BMI1: variants seen among roughly 807,000 people sequenced by gnomAD.
BMI1 encodes the protein BMI1 proto-oncogene, polycomb ring finger.
Under a neutral mutation model 39.1 loss-of-function variants are expected in BMI1, and 9 were observed. The ratio of observed to expected loss-of-function variants is 0.23; its 90% CI spans 0.14 to 0.40. The LOEUF (loss-of-function observed/expected upper bound fraction) is 0.40. Ranked by LOEUF, BMI1 falls within the 10% of genes least tolerant of loss-of-function variation. The probability of loss-of-function intolerance (pLI) is 1.00; values close to 1 mark genes in which losing one functional copy is unlikely to be tolerated. For synonymous variants in BMI1, 131 were observed against 127.9 expected, an observed-to-expected ratio of 1.02 and a Z score of -0.16; for missense variants, 252 against 390.8, an observed-to-expected ratio of 0.64 and a Z score of 2.99.
At chr10:22,328,202 A>G in intron 7 of BMI1, 23 bp downstream of exon 7, 1 of 1,585,162 alleles carries the variant, frequency 6.3e-7, no homozygotes, top group Non-Finnish European at 8.5e-7. Flanking sequence ...TTACAAAAAC[A>G]TATAGAAGAA....
Position 22,327,856 on chromosome 10 carries a change from G to A in BMI1, c.316+64G>A, listed in dbSNP as rs1053625076. On this transcript the variant is annotated intron_variant, in intron 5 of 9. Transcript: ENST00000376663. Reference sequence around the variant, plus strand: ...GGAGAGCTTATCTAGGAATTAAAATGTATTAAAATTGACTTTACCACTTCC... The same window carrying A: ...GGAGAGCTTATCTAGGAATTAAAATATATTAAAATTGACTTTACCACTTCC... The A allele has an allele frequency of 3.1e-6, 5 of 1,602,550 alleles. No individual in the cohort carries two copies. The Admixed American group carries it at 8.6e-5, about 28-fold the overall frequency.
chr10:22,321,907 G>A (rs1836011149), intron 1 of BMI1, among the ~76,000 whole-genome samples: 1 of 144,262 alleles, frequency 6.9e-6, no homozygotes, highest in Non-Finnish European at 1.5e-5. Flanking sequence ...GCGCCCGCGA[G>A]CGCGCGCCCG....
At chr10:22,326,288 A>G (rs1836149117) in intron 1 of BMI1, 143 bp from the exon 2 acceptor site, 1 of 1,157,882 alleles carries the variant, frequency 8.6e-7, no homozygotes, top group African/African-American at 1.6e-5. Context: ...CTGATGAGTA[A>G]ATTCCTTCTG....
intron 8 of BMI1, 87 bp downstream of exon 8, chr10:22,328,785 G>A: frequency 7.3e-7 from 1 of 1,365,610 alleles, no homozygotes; most frequent in South Asian, 1.5e-5. Flanking sequence ...ACCCAAAAAA[G>A]CAATAGAAAA....
chr10:22,328,242 G>A (rs1203397352), intron 7 of BMI1, 63 bp downstream of exon 7: 3 of 1,535,358 alleles, frequency 2.0e-6, no homozygotes, highest in Non-Finnish European at 1.7e-6. Flanking sequence ...TTTTATCAGG[G>A]ATTGTGTTGC....
At chr10:22,321,911 G>C in intron 1 of BMI1, among the ~76,000 whole-genome samples, 1 of 144,124 alleles carries the variant, frequency 6.9e-6, no homozygotes, top group East Asian at 2.1e-4. Context: ...CCGCGAGCGC[G>C]CGCCCGCCGC....
chr10:22,322,393 A>G (rs568114465), intron 1 of BMI1, among the ~76,000 whole-genome samples: 1 of 152,312 alleles, frequency 6.6e-6, no homozygotes, highest in Admixed American at 6.5e-5. Flanking sequence ...TTGGGGGGAC[A>G]CTTGTCTGAG....
rs1836146871 is a variant in BMI1 at position 22,326,207 on chromosome 10, G to A, written c.-19-224G>A. On this transcript the variant is annotated intron_variant, in intron 1 of 9. Transcript: ENST00000376663. ...ACCCCAGACTTTCTTCTACCTACAG[G>A]AATGATCTGAGAGACCAGAAGTAAT... 9 of 515,116 alleles carry A rather than the reference G, an allele frequency of 1.7e-5. No homozygotes were observed. In the South Asian group the frequency reaches 2.0e-4, roughly 12 times the overall value. The allele number at this position is 515,116 out of a possible 1,614,324, so 31.9% of individuals were successfully genotyped here. A position where few individuals can be genotyped will look rare whatever the true frequency, so the allele number is the denominator to read the frequency against.
intron 1 of BMI1, among the ~76,000 whole-genome samples, chr10:22,321,930 G>A (rs1319612568): frequency 1.4e-5 from 2 of 144,442 alleles, no homozygotes; most frequent in African/African-American, 5.0e-5. Flanking sequence ...GCCGCCCGCC[G>A]ACTCCCGCGG....
At position 22,330,478 on chromosome 10, in the gene BMI1, A is replaced by G. The variant is rs1302403371; in HGVS notation, c.*936A>G. 6.6e-6 allele frequency: 1 copy of G among 152,326 alleles called. No homozygotes were observed. Among genetic ancestry groups the G allele is most frequent in the Admixed American group, 6.5e-5 (1 of 15,284 alleles). 9.4% of individuals were successfully genotyped at this position (152,326 alleles called of 1,614,324 possible). ...TGGCACATCTTTCTATACTTTATAT[A>G]CTTTTCTCCAGTAATACATGTTTAC... On this transcript the variant is annotated 3_prime_UTR_variant, in exon 10 of 10. Transcript: ENST00000376663.
At position 22,327,069 on chromosome 10, in the gene BMI1, C is replaced by G. The variant is rs914168385; in HGVS notation, c.209+83C>G. The G allele has an allele frequency of 3.4e-6, 5 of 1,474,130 alleles. No homozygotes were observed. In the African/African-American group the frequency reaches 7.0e-5, roughly 21 times the overall value. The allele number at this position is 1,474,130 out of a possible 1,614,324, so 91.3% of individuals were successfully genotyped here. On this transcript the variant is annotated intron_variant, in intron 3 of 9. Coordinates refer to ENST00000376663, the MANE Select transcript of BMI1 (RefSeq NM_005180.9). ...GAAGGCAACCCTCTTTATTTCTTCA[C>G]AGAAAATTTACTCTTGAATACATAA...
At chr10:22,326,604 C>T (rs1171119969) in intron 2 of BMI1, 43 bp downstream of exon 2, 1 of 1,593,944 alleles carries the variant, frequency 6.3e-7, no homozygotes, top group African/African-American at 1.3e-5. Context: ...ATGCGTATTT[C>T]ACAGTTCGAC....
intron 1 of BMI1, among the ~76,000 whole-genome samples, chr10:22,322,394 C>T (rs370178514): frequency 6.6e-6 from 1 of 152,192 alleles, no homozygotes; most frequent in African/African-American, 2.4e-5. Flanking sequence ...TGGGGGGACA[C>T]TTGTCTGAGA....
In BMI1 at chr10:22,330,416, G is replaced by A. The variant is rs574306378; in HGVS notation, c.*874G>A. On this transcript the variant is annotated 3_prime_UTR_variant, in exon 10 of 10. Transcript: ENST00000376663. The stretch of plus-strand genomic sequence containing the variant: ...ACCAGCAAAGAATATTTTTAATGTG[G>A]ATATCTAATTCTAAAGTCTGTTCCA... 5.2e-5 allele frequency: 8 copies of A among 152,620 alleles called. No homozygotes were observed. Among genetic ancestry groups the A allele is most frequent in the African/African-American group, 1.9e-4 (8 of 41,556 alleles). 9.5% of individuals were successfully genotyped at this position (152,620 alleles called of 1,614,324 possible). A position where few individuals can be genotyped will look rare whatever the true frequency, so the allele number is the denominator to read the frequency against.
chr10:22,323,450 A>G (rs1358776057), intron 1 of BMI1, among the ~76,000 whole-genome samples: 3 of 152,268 alleles, frequency 2.0e-5, no homozygotes, highest in Non-Finnish European at 4.4e-5. Context: ...TTAATTGTAC[A>G]TGATAAATCC....
At chr10:22,322,996 C>T in intron 1 of BMI1, among the ~76,000 whole-genome samples, 1 of 152,168 alleles carries the variant, frequency 6.6e-6, no homozygotes, top group Non-Finnish European at 1.5e-5. Context: ...GTATTAACCC[C>T]TTCCCTTAAT....
chr10:22,328,849 A>T, intron 8 of BMI1, 151 bp downstream of exon 8: 1 of 992,326 alleles, frequency 1.0e-6, no homozygotes, highest in South Asian at 1.9e-5. Flanking sequence ...TTTGGTATAC[A>T]TTCTCTTTTA....
In BMI1 at chr10:22,329,848, G is replaced by A. The variant is rs1836245063; in HGVS notation, c.*306G>A. ...TTGGATTTGGAAGTACTCTGCAGTG[G>A]ACATAAGCATTGGGCCATAGTTTGT... is the stretch of plus-strand genomic sequence containing the variant. On this transcript the variant is annotated 3_prime_UTR_variant, in exon 10 of 10. Coordinates refer to ENST00000376663, the MANE Select transcript of BMI1 (RefSeq NM_005180.9). 3.3e-6 allele frequency: 1 copy of A among 298,566 alleles called. No individual in the cohort carries two copies. The highest frequency in any genetic ancestry group is 6.3e-6 in the Non-Finnish European group (1 of 159,606). The allele number at this position is 298,566 out of a possible 1,614,324, so 18.5% of individuals were successfully genotyped here. A position where few individuals can be genotyped will look rare whatever the true frequency, so the allele number is the denominator to read the frequency against.
At chr10:22,325,479 C>T (rs1167264871) in intron 1 of BMI1, among the ~76,000 whole-genome samples, 1 of 151,904 alleles carries the variant, frequency 6.6e-6, no homozygotes, top group Non-Finnish European at 1.5e-5. Flanking sequence ...TCCGGGGTCC[C>T]CGCCGCCCAG....
Sources: allele counts gnomAD v4.1 joint callset (sites outside exome capture counted in the v4.1 genomes callset), GRCh38; gene constraint gnomAD v4.1.1; transcripts MANE v1.5; gene names NCBI Gene and HGNC (gene_info 2026-07-23, HGNC 2026-07-21).